Variants in DNTT observed in about 807,000 individuals in gnomAD.
The protein encoded by DNTT is nucleosidetriphosphate:DNA deoxynucleotidylexotransferase.
DNTT carries 47 observed loss-of-function variants against 60.9 expected under a neutral mutation model. The ratio of observed to expected loss-of-function variants is 0.77; its 90% confidence interval spans 0.61 to 0.98. The LOEUF (loss-of-function observed/expected upper bound fraction) is 0.98. Among genes scored for constraint, DNTT ranks in the 50% least tolerant of loss-of-function variants. The pLI, the probability that DNTT is intolerant of heterozygous loss-of-function variation, is 0.00. For synonymous variants in DNTT, 224 were observed against 221.2 expected (o/e 1.01, Z -0.11); for missense variants, 665 against 627.5 (o/e 1.06, Z -0.64).
chr10:96,327,325 TTCTG>T, intron 6 of DNTT, 139 bp from the exon 7 acceptor site: 1 of 1,243,768 alleles, frequency 8.0e-7, no homozygotes, highest in Non-Finnish European at 1.2e-6. Flanking sequence ...ACATGGACTA[TTCTG>T]TCTCTGTGGG....
rs1474319707 is a variant in DNTT at position 96,324,324 on chromosome 10, G to A, written c.809G>A (p.Gly270Asp). ...ACTTCTGAGAAGTGGTTCAGGATGG[G>A]TTTCAGAACTCTGAGTAAAGTAAGG... The part of the protein sequence containing the change: ...LKTSEKWFRM[G>D]FRTLSKVRSD... The change falls in exon 6 of 11, where the codon GGT becomes GAT. Residue 270 changes from glycine to aspartate, a missense_variant. Gly to Asp is a moderately conservative substitution (Grantham distance 94). Transcript: ENST00000371174. 2.5e-6 allele frequency: 4 copies of A among 1,613,756 alleles called. No homozygotes were observed. Among genetic ancestry groups the A allele is most frequent in the South Asian group, 2.2e-5 (2 of 91,060 alleles).
In DNTT at chr10:96,304,443, C is replaced by G; in HGVS notation, c.-55C>G. The G allele has an allele frequency of 6.2e-7, 1 of 1,601,882 alleles. No individual in the cohort carries two copies. The highest frequency in any genetic ancestry group is 8.5e-7 in the Non-Finnish European group (1 of 1,172,826). ...CGTGTAGGAGGGTGGCAGTCTCCCTCCCTTCTGGAGACACCACCAGATGGG... is the reference window on the plus strand; with the variant it reads ...CGTGTAGGAGGGTGGCAGTCTCCCTGCCTTCTGGAGACACCACCAGATGGG... On this transcript the variant is annotated 5_prime_UTR_variant, in exon 1 of 11. Transcript: ENST00000371174.
At chr10:96,329,889 T>C (rs757013329) in intron 8 of DNTT, among the ~76,000 whole-genome samples, 1 of 152,146 alleles carries the variant, frequency 6.6e-6, no homozygotes, top group Non-Finnish European at 1.5e-5. Context: ...TGCATCTCCC[T>C]CCTGCCCCAC....
chr10:96,318,572 A>G (rs778523545), intron 2 of DNTT, 46 bp downstream of exon 2: 3 of 1,596,582 alleles, frequency 1.9e-6, no homozygotes, highest in Admixed American at 1.7e-5. Context: ...CTTGATGGTT[A>G]AGAACATAGG....
At chr10:96,330,214 T>TCA (rs1480190616) in intron 8 of DNTT, among the ~76,000 whole-genome samples, 1 of 152,006 alleles carries the variant, frequency 6.6e-6, no homozygotes, top group East Asian at 1.9e-4. Flanking sequence ...GGATGCATTC[T>TCA]CAAACACCTT....
In DNTT at chr10:96,304,552, A is replaced by T. The variant is rs1390853550; in HGVS notation, c.55A>T (p.Thr19Ser). 6.2e-7 allele frequency: 1 copy of T among 1,614,032 alleles called. No individual in the cohort carries two copies. The highest frequency in any genetic ancestry group is 8.5e-7 in the Non-Finnish European group (1 of 1,180,020). The change falls in exon 1 of 11, where the codon ACG becomes TCG. Residue 19 changes from threonine (T) to serine (S), a missense_variant. Coordinates refer to ENST00000371174, the MANE Select transcript of DNTT (RefSeq NM_004088.4). ...CCCTCGGAAGAAGAGACCCCGGCAG[A>T]CGGGTGCCTTGATGGCCTCCTCTCC... ...LSPRKKRPRQ[T>S]GALMASSPQD...
chr10:96,307,775 A>AT (rs1194627144), intron 1 of DNTT, among the ~76,000 whole-genome samples: 6,757 of 121,204 alleles, frequency 0.056, 406 homozygotes, highest in African/African-American at 0.075. Context: ...ATATATATAT[A>AT]TATTTTTTTT....
intron 9 of DNTT, 129 bp downstream of exon 9, chr10:96,332,725 C>T: frequency 1.4e-6 from 2 of 1,394,128 alleles, no homozygotes; most frequent in Non-Finnish European, 9.7e-7. Context: ...TACCCAGAAA[C>T]CTCTAACTCA....
intron 4 of DNTT, among the ~76,000 whole-genome samples, chr10:96,321,747 T>C (rs1223489555): frequency 6.6e-6 from 1 of 152,140 alleles, no homozygotes; most frequent in Non-Finnish European, 1.5e-5. Flanking sequence ...TCCTGGACCA[T>C]CACCTGATGG....
chr10:96,320,207 C>T (rs1315280614), intron 3 of DNTT, among the ~76,000 whole-genome samples: 1 of 152,202 alleles, frequency 6.6e-6, no homozygotes, highest in Non-Finnish European at 1.5e-5. Context: ...TACACTCATT[C>T]ATTCAACAAG....
intron 3 of DNTT, 62 bp from the exon 4 acceptor site, chr10:96,320,556 G>C (rs976667991): frequency 1.9e-6 from 3 of 1,583,704 alleles, no homozygotes; most frequent in African/African-American, 1.4e-5. Context: ...AGGCGTTTGT[G>C]AGTGACCACT....
At chr10:96,326,307 GA>G (rs1752148822) in intron 6 of DNTT, among the ~76,000 whole-genome samples, 1 of 152,160 alleles carries the variant, frequency 6.6e-6, no homozygotes, top group African/African-American at 2.4e-5. Flanking sequence ...ATAATTTTTA[GA>G]AATGTGGCTT....
At chr10:96,323,962 G>A (rs1844909446) in intron 5 of DNTT, among the ~76,000 whole-genome samples, 1 of 152,164 alleles carries the variant, frequency 6.6e-6, no homozygotes. Context: ...TAGAGCTAGC[G>A]TATCACTCAT....
At chr10:96,318,900 T>C (rs1786587105) in intron 2 of DNTT, among the ~76,000 whole-genome samples, 1 of 152,182 alleles carries the variant, frequency 6.6e-6, no homozygotes, top group South Asian at 2.1e-4. Context: ...TTTCTCTCAC[T>C]GTGATCATTC....
chr10:96,335,642 C>T (rs1365415822), intron 9 of DNTT, among the ~76,000 whole-genome samples: 1 of 152,230 alleles, frequency 6.6e-6, no homozygotes, highest in Non-Finnish European at 1.5e-5. Flanking sequence ...ACATCTTCTA[C>T]ATGCGAGGCA....
chr10:96,322,649 T>C lies in DNTT; in HGVS notation c.679-8T>C, dbSNP rs768095894. ...ACTAATTTAAAATATTTTTCAACTG[T>C]CCATTAGGAGATTATTGAAGATGGA... On this transcript the variant is annotated splice_polypyrimidine_tract_variant and splice_region_variant and intron_variant, in intron 4 of 10. Transcript: ENST00000371174. 1.9e-6 allele frequency: 3 copies of C among 1,597,030 alleles called. No individual in the cohort carries two copies. Among genetic ancestry groups the C allele is most frequent in the Non-Finnish European group, 2.6e-6 (3 of 1,167,678 alleles).
At chr10:96,318,124 T>C (rs890200422) in intron 1 of DNTT, among the ~76,000 whole-genome samples, 5 of 152,202 alleles carry the variant, frequency 3.3e-5, no homozygotes, top group Non-Finnish European at 5.9e-5. Context: ...GTCCTGCTAA[T>C]GTTGTCTTTA....
intron 9 of DNTT, among the ~76,000 whole-genome samples, chr10:96,334,413 G>A (rs1195833309): frequency 1.3e-5 from 2 of 152,212 alleles, no homozygotes; most frequent in Non-Finnish European, 2.9e-5. Flanking sequence ...GAGGACACCT[G>A]TGATTTGAGT....
rs201092394 is a variant in DNTT at position 96,328,767 on chromosome 10, C to A, written c.1050C>A (p.Ser350Arg). Residue 350 changes from serine (S) to arginine (R), a missense_variant, in exon 8 of 11, where the codon AGC becomes AGA. Physicochemically the swap from Ser to Arg is moderately radical, Grantham distance 110 (BLOSUM62 -1). Coordinates refer to ENST00000371174, the MANE Select transcript of DNTT (RefSeq NM_004088.4). ...MGHDVDFLITSPGSTEDEEQL... is the reference protein window; with the variant it reads ...MGHDVDFLITRPGSTEDEEQL... Reference sequence around the variant, plus strand: ...ATGATGTAGATTTTTTAATTACCAGCCCAGGATCAACAGAGGATGAAGAGC... The same window carrying A: ...ATGATGTAGATTTTTTAATTACCAGACCAGGATCAACAGAGGATGAAGAGC... The A allele has an allele frequency of 6.2e-7, 1 of 1,613,716 alleles. No individual in the cohort carries two copies. The highest frequency in any genetic ancestry group is 8.5e-7 in the Non-Finnish European group (1 of 1,179,860).
Sources: allele counts gnomAD v4.1 joint callset (sites outside exome capture counted in the v4.1 genomes callset), GRCh38; gene constraint gnomAD v4.1.1; transcripts MANE v1.5; gene names NCBI Gene and HGNC (gene_info 2026-07-23, HGNC 2026-07-21).